Variants in MOK observed in about 807,000 individuals in gnomAD.
The protein encoded by MOK is MOK protein kinase, also known as MAPK/MAK/MRK overlapping kinase.
MOK carries 59 observed loss-of-function variants against 54.2 expected under a neutral mutation model. The ratio of observed to expected loss-of-function variants is 1.09; its 90% CI spans 0.88 to 1.35. The LOEUF is 1.35. MOK is among the 40% of genes most tolerant of loss of function. The pLI, the probability that MOK is intolerant of heterozygous loss-of-function variation, is 0.00. For synonymous variants in MOK, 210 were observed against 202.7 expected, an observed-to-expected ratio of 1.04 and a Z score of -0.31; for missense variants, 517 against 526.2, an observed-to-expected ratio of 0.98 and a Z score of 0.17.
chr14:102,298,649 G>T (rs987288689), intron 1 of MOK, among the ~76,000 whole-genome samples: 1 of 152,172 alleles, frequency 6.6e-6, no homozygotes, highest in African/African-American at 2.4e-5. Context: ...GGACCAATCA[G>T]CAGGATGTGG....
intron 4 of MOK, among the ~76,000 whole-genome samples, chr14:102,262,702 T>C (rs1198535250): frequency 6.6e-6 from 1 of 152,218 alleles, no homozygotes; most frequent in African/African-American, 2.4e-5. Context: ...TAGCACATCA[T>C]CTTCAGTTTG....
rs2069103450 is a variant in MOK at position 102,278,557 on chromosome 14, C to T, written c.122+4921G>A. On this transcript the variant is annotated intron_variant, in intron 2 of 11. Coordinates refer to ENST00000361847, the MANE Select transcript of MOK (RefSeq NM_014226.3). Reference sequence around the variant, plus strand: ...GACCTGACGTTGGCATCAGCATCTGCAGCTGGGAAGAACGGTGGGAAGATC... The same window carrying T: ...GACCTGACGTTGGCATCAGCATCTGTAGCTGGGAAGAACGGTGGGAAGATC... 7.2e-6 allele frequency: 3 copies of T among 416,300 alleles called. No homozygotes were observed. In the Admixed American group the frequency reaches 7.8e-5, roughly 11 times the overall value. 25.8% of individuals were successfully genotyped at this position (416,300 alleles called of 1,614,324 possible).
At chr14:102,275,593 A>G (rs2068791612) in intron 2 of MOK, among the ~76,000 whole-genome samples, 1 of 151,540 alleles carries the variant, frequency 6.6e-6, no homozygotes, top group Non-Finnish European at 1.5e-5. Context: ...GATGGATCAC[A>G]GACCTAAATG....
At chr14:102,215,726 G>A in the MOK span, among the ~76,000 whole-genome samples, 16,338 of 152,122 alleles carry the variant, frequency 0.11, 994 homozygotes, top group African/African-American at 0.16. Flanking sequence ...TTGTGCTGGC[G>A]TGAGGTTGTC....
chr14:102,291,352 C>G (rs917994163), intron 1 of MOK, among the ~76,000 whole-genome samples: 1 of 152,186 alleles, frequency 6.6e-6, no homozygotes, highest in Non-Finnish European at 1.5e-5. Context: ...GCCCTGACCA[C>G]TAATTTGTAC....
At chr14:102,278,462 T>C (rs975450618) in intron 2 of MOK, 1 of 258,318 alleles carries the variant, frequency 3.9e-6, no homozygotes, top group Non-Finnish European at 8.0e-6. Context: ...CAGCAGACTT[T>C]TTGTTTTTGT....
At chr14:102,283,692 G>T in intron 1 of MOK, 100 bp from the exon 2 acceptor site, 1 of 660,750 alleles carries the variant, frequency 1.5e-6, no homozygotes, top group Non-Finnish European at 2.5e-6. Flanking sequence ...AATTTAAACA[G>T]CAATATACTG....
At chr14:102,298,750 T>C (rs1330629464) in intron 1 of MOK, among the ~76,000 whole-genome samples, 1 of 152,128 alleles carries the variant, frequency 6.6e-6, no homozygotes, top group Non-Finnish European at 1.5e-5. Context: ...AGCTTTGTTC[T>C]TTCACCCTTT....
chr14:102,241,361 C>A (rs2065701411), intron 7 of MOK, among the ~76,000 whole-genome samples: 1 of 152,212 alleles, frequency 6.6e-6, no homozygotes, highest in African/African-American at 2.4e-5. Flanking sequence ...CCCATCCTCA[C>A]ACAGGGTCCA....
At chr14:102,294,479 G>A (rs977824727) in intron 1 of MOK, among the ~76,000 whole-genome samples, 12 of 151,724 alleles carry the variant, frequency 7.9e-5, no homozygotes, top group East Asian at 1.9e-4. Flanking sequence ...GCCAGGCATC[G>A]TGATGCGTGC....
At chr14:102,256,064 C>T (rs985690704) in intron 4 of MOK, among the ~76,000 whole-genome samples, 1 of 152,110 alleles carries the variant, frequency 6.6e-6, no homozygotes, top group Non-Finnish European at 1.5e-5. Context: ...GTGGAGAGAA[C>T]TACGAACTAG....
chr14:102,273,456 C>T (rs748049409), intron 2 of MOK, among the ~76,000 whole-genome samples: 5 of 151,984 alleles, frequency 3.3e-5, no homozygotes, highest in East Asian at 1.9e-4. Context: ...ACAAAAGACA[C>T]GTAAGACCTT....
At chr14:102,233,615 G>C in intron 8 of MOK, 73 bp downstream of exon 8, 4 of 1,352,700 alleles carry the variant, frequency 3.0e-6, no homozygotes, top group Non-Finnish European at 4.2e-6. Context: ...GGGAGGCACA[G>C]GGAGGGGCTT....
At chr14:102,248,786 A>C (rs1309540538) in intron 7 of MOK, among the ~76,000 whole-genome samples, 3 of 151,548 alleles carry the variant, frequency 2.0e-5, no homozygotes, top group Non-Finnish European at 4.4e-5. Context: ...TCAAAAAAAA[A>C]AAAAAAAAAA....
downstream of MOK, among the ~76,000 whole-genome samples, chr14:102,221,901 A>G (rs557138577): frequency 1.4e-4 from 21 of 152,250 alleles, no homozygotes; most frequent in South Asian, 4.4e-3. This position sits in a 1 kb window ranked among gnomAD's most constrained non-coding sequence, Gnocchi z 4.8. Flanking sequence ...GAAAATGTGC[A>G]CCTTTGGGGC....
intron 6 of MOK, 99 bp downstream of exon 6, chr14:102,251,657 T>C (rs1364419495): frequency 2.4e-5 from 22 of 933,780 alleles, no homozygotes; most frequent in Non-Finnish European, 3.8e-5. Flanking sequence ...TCTAGCCGCA[T>C]GGACTGAAAG....
At chr14:102,282,840 C>A (rs1467841562) in intron 2 of MOK, among the ~76,000 whole-genome samples, 1 of 151,752 alleles carries the variant, frequency 6.6e-6, no homozygotes, top group Non-Finnish European at 1.5e-5. Context: ...TCACTTGAGG[C>A]CAAGGAGTTC....
intron 7 of MOK, among the ~76,000 whole-genome samples, chr14:102,239,928 T>G (rs1428993446): frequency 6.6e-6 from 1 of 151,684 alleles, no homozygotes; most frequent in Non-Finnish European, 1.5e-5. Flanking sequence ...TAAACCAAAA[T>G]GGGAAGGCCC....
intron 4 of MOK, among the ~76,000 whole-genome samples, chr14:102,261,853 A>T (rs1370713808): frequency 9.9e-4 from 134 of 135,856 alleles, no homozygotes; most frequent in Non-Finnish European, 1.6e-3. Context: ...ATTTTTTATT[A>T]TTTTTTTTGA....
Sources: allele counts gnomAD v4.1 joint callset (sites outside exome capture counted in the v4.1 genomes callset), GRCh38; gene constraint gnomAD v4.1.1; non-coding constraint Gnocchi (gnomAD v3.1); transcripts MANE v1.5; gene names NCBI Gene and HGNC (gene_info 2026-07-23, HGNC 2026-07-21).